LETMD1: variants seen among roughly 807,000 people sequenced by gnomAD.
The protein encoded by LETMD1 is LETM1 domain-containing protein 1.
LETMD1 carries 30 observed loss-of-function variants against 43.9 expected under a neutral mutation model. That is an observed-to-expected ratio of 0.68 (90% CI 0.51 to 0.93). The LOEUF (loss-of-function observed/expected upper bound fraction) is 0.93. Among genes scored for constraint, LETMD1 ranks in the 40% least tolerant of loss-of-function variants. LETMD1 has a pLI of 0.00. For synonymous variants in LETMD1, 176 were observed against 163.1 expected, an observed-to-expected ratio of 1.08 and a Z score of -0.60; for missense variants, 413 against 447.7, an observed-to-expected ratio of 0.92 and a Z score of 0.70.
Position 51,056,411 on chromosome 12 carries a change from G to A in LETMD1, c.824G>A (p.Arg275His), listed in dbSNP as rs748948206. The part of the protein sequence containing the change: ...SYLPPPLLRH[R>H]LKTHTTVIHQ... Reference sequence around the variant, plus strand: ...CTGCCTCCTCCCTTGTTGAGACATCGTTTGAAGACTCATACAACTGTGATT... The same window carrying A: ...CTGCCTCCTCCCTTGTTGAGACATCATTTGAAGACTCATACAACTGTGATT... Residue 275 changes from arginine (R) to histidine (H), a missense_variant, in exon 7 of 9, where the codon CGT (arginine) becomes CAT (histidine). Physicochemically the swap from Arg to His is conservative, Grantham distance 29. Transcript: ENST00000262055. 15 of 1,614,050 alleles carry A rather than the reference G, an allele frequency of 9.3e-6. No individual in the cohort carries two copies. The African/African-American group carries it at 1.2e-4, about 13-fold the overall frequency.
At chr12:51,067,631 A>C in the LETMD1 span, 1 of 1,584,028 alleles carries the variant, frequency 6.3e-7, no homozygotes. The surrounding 1 kb of genome is among the most constrained non-coding windows in gnomAD (Gnocchi z 4.1). Flanking sequence ...CACCCCGCTG[A>C]CCCTGGTGTA....
chr12:51,057,550 T>C (rs1362594495), intron 7 of LETMD1: 1 of 180,398 alleles, frequency 5.5e-6, no homozygotes, highest in Non-Finnish European at 1.2e-5. Flanking sequence ...TATAGGACTC[T>C]TTGCTTTTGT....
intron 2 of LETMD1, among the ~76,000 whole-genome samples, chr12:51,049,602 T>C (rs1945384546): frequency 6.6e-6 from 1 of 152,230 alleles, no homozygotes. Flanking sequence ...GTAGTGGCAA[T>C]AGCCCTACAT....
Position 51,059,542 on chromosome 12 carries a change from G to C in LETMD1, c.*111G>C. On this transcript the variant is annotated 3_prime_UTR_variant, in exon 9 of 9. Transcript: ENST00000262055. ...TGTACTGTTAAGTGTGTGGGAGGCA[G>C]AGAGAGGAGCAGGGGCCATGGGCTT... The C allele has an allele frequency of 1.1e-6, 1 of 947,818 alleles. No individual in the cohort carries two copies. The highest frequency in any genetic ancestry group is 1.7e-6 in the Non-Finnish European group (1 of 589,294). 58.7% of individuals were successfully genotyped at this position (947,818 alleles called of 1,614,324 possible).
chr12:51,052,252 T>G (rs1946385526), intron 3 of LETMD1, 45 bp downstream of exon 3: 3 of 1,605,608 alleles, frequency 1.9e-6, no homozygotes, highest in African/African-American at 1.3e-5. Context: ...GTGAGGTAAT[T>G]ACATTTAATC....
At chr12:51,060,432 A>G (rs947059973), downstream of LETMD1, 2 of 152,256 alleles carry the variant, frequency 1.3e-5, no homozygotes, top group African/African-American at 4.8e-5. Context: ...TGACTTATGC[A>G]TACTCTAATC....
chr12:51,056,522 ATCAACCC>A lies in LETMD1; in HGVS notation c.915+29_915+35del, dbSNP rs1947780471. ...AAATCGGTAAGAGCTTGATTGCAAC[ATCAACCC>A]TCAACCCTTGGTGTGCTTTTGAGCC... is the stretch of plus-strand genomic sequence containing the variant. On this transcript the variant is annotated intron_variant, in intron 7 of 8. Coordinates refer to ENST00000262055, the MANE Select transcript of LETMD1 (RefSeq NM_015416.5). 6.2e-7 allele frequency: 1 copy of A among 1,613,942 alleles called. No individual in the cohort carries two copies. The highest frequency in any genetic ancestry group is 1.7e-5 in the Admixed American group (1 of 60,004).
chr12:51,063,033 AGGAT>A (rs1403928935), downstream of LETMD1: 1 of 152,224 alleles, frequency 6.6e-6, no homozygotes, highest in Admixed American at 6.5e-5. Context: ...CGAAGGAAAA[AGGAT>A]GGAGAGAAAA....
At chr12:51,064,583 G>A (rs1225290636), downstream of LETMD1, 2 of 1,601,928 alleles carry the variant, frequency 1.2e-6, no homozygotes, top group South Asian at 2.2e-5. Flanking sequence ...AATGAGTCCG[G>A]ACCCGGATTG....
chr12:51,049,010 T>C (rs748295567), intron 1 of LETMD1, 24 bp from the exon 2 acceptor site: 1 of 1,607,212 alleles, frequency 6.2e-7, no homozygotes, highest in Non-Finnish European at 8.5e-7. Flanking sequence ...GATTCCCAGA[T>C]AGTCTCTTTG....
rs767538912 is a variant in LETMD1 at position 51,056,472 on chromosome 12, T to C, written c.885T>C (p.Ile295=). ...QLDKALAKLG[I]GQLTAQEVKS... ...ACAAGGCTTTGGCAAAGCTGGGGAT[T>C]GGCCAGCTGACTGCTCAGGAAGTAA... Residue 295 remains isoleucine (I), a synonymous_variant, in exon 7 of 9, where the codon ATT becomes ATC. Coordinates refer to ENST00000262055, the MANE Select transcript of LETMD1 (RefSeq NM_015416.5). The C allele has an allele frequency of 6.2e-7, 1 of 1,614,214 alleles. No homozygotes were observed. The highest frequency in any genetic ancestry group is 1.7e-5 in the Admixed American group (1 of 60,010).
chr12:51,063,662 T>G, downstream of LETMD1: 1 of 1,070,644 alleles, frequency 9.3e-7, no homozygotes. Context: ...CAGCAGCTGC[T>G]TCTACAGTTT....
chr12:51,064,074 C>G (rs368325826), downstream of LETMD1: 125 of 1,614,058 alleles, frequency 7.7e-5, no homozygotes, highest in Middle Eastern at 1.6e-4. Context: ...TTCTTCCGTA[C>G]CAGGCTCTCC....
intron 8 of LETMD1, 110 bp from the exon 9 acceptor site, chr12:51,059,251 C>G (rs1948572589): frequency 1.2e-6 from 1 of 860,422 alleles, no homozygotes; most frequent in South Asian, 1.5e-5. Flanking sequence ...ACAGCTTCTT[C>G]ATTCCACCCC....
At chr12:51,068,491 T>G in the LETMD1 span, among the ~76,000 whole-genome samples, 3 of 152,160 alleles carry the variant, frequency 2.0e-5, no homozygotes, top group Non-Finnish European at 4.4e-5. Flanking sequence ...GCTGCTATAT[T>G]CACTAGCACA....
At chr12:51,064,581 C>T, downstream of LETMD1, 2 of 1,604,988 alleles carry the variant, frequency 1.2e-6, no homozygotes, top group South Asian at 1.1e-5. Flanking sequence ...GTAATGAGTC[C>T]GGACCCGGAT....
At chr12:51,057,901 A>C in intron 7 of LETMD1, 131 bp from the exon 8 acceptor site, 2 of 744,548 alleles carry the variant, frequency 2.7e-6, no homozygotes, top group Admixed American at 4.0e-5. Context: ...CTGGGATTAC[A>C]GGCACGAGCC....
the LETMD1 span, among the ~76,000 whole-genome samples, chr12:51,065,813 T>C: frequency 1.1e-4 from 17 of 152,094 alleles, no homozygotes; most frequent in African/African-American, 4.1e-4. Context: ...GAATGACTCA[T>C]TATGGGACTT....
downstream of LETMD1, chr12:51,063,550 C>G (rs1937784619): frequency 4.6e-6 from 2 of 435,386 alleles, no homozygotes; most frequent in Non-Finnish European, 8.0e-6. Context: ...ATCCCCAGAT[C>G]AAGGTAGGGC....
Sources: allele counts gnomAD v4.1 joint callset (sites outside exome capture counted in the v4.1 genomes callset), GRCh38; gene constraint gnomAD v4.1.1; non-coding constraint Gnocchi (gnomAD v3.1); transcripts MANE v1.5; gene names NCBI Gene and HGNC (gene_info 2026-07-23, HGNC 2026-07-21).